Variants in PLPPR5 observed in about 807,000 individuals in gnomAD.
The protein encoded by PLPPR5 is phospholipid phosphatase related 5, also known as phospholipid phosphatase-related protein type 5.
PLPPR5 carries 16 observed loss-of-function variants against 33.9 expected under a neutral mutation model. The ratio of observed to expected loss-of-function variants is 0.47; its 90% CI spans 0.32 to 0.72. The LOEUF is 0.72. Among genes scored for constraint, PLPPR5 ranks in the 30% least tolerant of loss-of-function variants. PLPPR5 has a pLI of 0.03. For synonymous variants in PLPPR5, 163 were observed against 150.3 expected, an observed-to-expected ratio of 1.08 and a Z score of -0.62; for missense variants, 301 against 406.7, an observed-to-expected ratio of 0.74 and a Z score of 2.23.
chr1:98,911,608 C>T (rs902995324), intron 5 of PLPPR5, among the ~76,000 whole-genome samples: 1 of 152,114 alleles, frequency 6.6e-6, no homozygotes, highest in Non-Finnish European at 1.5e-5. Context: ...CCAAAAAACA[C>T]TCATGCAAAT....
intron 5 of PLPPR5, among the ~76,000 whole-genome samples, chr1:98,902,356 G>A (rs1248598587): frequency 1.2e-4 from 2 of 16,420 alleles, no homozygotes; most frequent in Non-Finnish European, 1.2e-4. Context: ...GGGTCTTGAA[G>A]GTTATTTTAA....
At chr1:98,964,117 TCC>T (rs1372801003) in intron 1 of PLPPR5, among the ~76,000 whole-genome samples, 1 of 152,184 alleles carries the variant, frequency 6.6e-6, no homozygotes. Flanking sequence ...TGGTTTGCTT[TCC>T]CCGCTGGGAG....
chr1:98,927,739 G>A (rs376135452), intron 3 of PLPPR5, among the ~76,000 whole-genome samples: 1 of 152,100 alleles, frequency 6.6e-6, no homozygotes, highest in East Asian at 1.9e-4. Flanking sequence ...GGTTTCTGAC[G>A]TAAGGGTGCT....
intron 1 of PLPPR5, among the ~76,000 whole-genome samples, chr1:99,004,123 G>A (rs1211402280): frequency 1.3e-5 from 2 of 152,240 alleles, no homozygotes; most frequent in East Asian, 1.9e-4. Flanking sequence ...CACCCCCAAA[G>A]CTCACCTCCT....
At chr1:98,905,611 A>C (rs1048802358) in intron 5 of PLPPR5, among the ~76,000 whole-genome samples, 1 of 152,028 alleles carries the variant, frequency 6.6e-6, no homozygotes, top group African/African-American at 2.4e-5. Context: ...CATCTTAGAT[A>C]ATTTTCTTTT....
At chr1:99,004,028 C>T (rs1652967023) in intron 1 of PLPPR5, among the ~76,000 whole-genome samples, 1 of 152,204 alleles carries the variant, frequency 6.6e-6, no homozygotes. Context: ...CCTCGCCGGC[C>T]CGCCCGCCGC....
intron 3 of PLPPR5, among the ~76,000 whole-genome samples, chr1:98,928,500 T>C (rs1649844400): frequency 7.0e-6 from 1 of 142,008 alleles, no homozygotes; most frequent in Non-Finnish European, 1.5e-5. Context: ...ATATTAAATA[T>C]TAATATCACC....
chr1:98,984,313 T>C (rs72732414), intron 1 of PLPPR5, among the ~76,000 whole-genome samples: 1 of 152,038 alleles, frequency 6.6e-6, no homozygotes, highest in African/African-American at 2.4e-5. Flanking sequence ...ATATTTGTTC[T>C]AAGGGAACCA....
intron 5 of PLPPR5, among the ~76,000 whole-genome samples, chr1:98,910,033 A>G (rs1275755837): frequency 2.0e-5 from 3 of 152,232 alleles, no homozygotes; most frequent in African/African-American, 7.2e-5. Flanking sequence ...AATAACGAAT[A>G]CTTGTATGCT....
At chr1:98,945,272 C>T (rs1397130837) in intron 3 of PLPPR5, among the ~76,000 whole-genome samples, 1 of 152,202 alleles carries the variant, frequency 6.6e-6, no homozygotes, top group Non-Finnish European at 1.5e-5. Flanking sequence ...TCAAGACTAT[C>T]TATATGGCTT....
chr1:98,896,502 C>T (rs1317107174), intron 5 of PLPPR5, among the ~76,000 whole-genome samples: 3 of 152,050 alleles, frequency 2.0e-5, no homozygotes, highest in African/African-American at 7.2e-5. Flanking sequence ...TGTCACAATT[C>T]CTGGTACCTT....
chr1:98,999,174 G>A (rs1420505130), intron 1 of PLPPR5, among the ~76,000 whole-genome samples: 1 of 152,172 alleles, frequency 6.6e-6, no homozygotes, highest in South Asian at 2.1e-4. Flanking sequence ...AACAAAAGTA[G>A]TTTGCTAGGT....
At chr1:98,959,976 T>C (rs1651169544) in intron 1 of PLPPR5, among the ~76,000 whole-genome samples, 2 of 152,090 alleles carry the variant, frequency 1.3e-5, no homozygotes, top group Non-Finnish European at 2.9e-5. Context: ...GTTCTCTGGA[T>C]ACTGTATTCT....
rs1652730092 is a variant in PLPPR5 at position 98,998,967 on chromosome 1, T to G, written c.237+5468A>C. 3.3e-5 allele frequency among the ~76,000 whole-genome samples: 5 copies of G among 152,248 alleles called. No homozygotes were observed. In the East Asian group the frequency reaches 9.7e-4, roughly 29 times the overall value. On this transcript the variant is annotated intron_variant, in intron 1 of 5. Transcript: ENST00000263177. ...GGTGTATAAGAAATGCATGACCAAT[T>G]TTAGCTAATGTTAGCCCACTTGGAC...
intron 4 of PLPPR5, among the ~76,000 whole-genome samples, chr1:98,920,592 C>CAAAAAAAAAAAA (rs1557669386): frequency 3.7e-4 from 5 of 13,670 alleles, no homozygotes; most frequent in Non-Finnish European, 6.6e-4. Context: ...AGTGGTATCA[C>CAAAAAAAAAAAA]CAAAAAAAAA....
At chr1:98,899,465 CTTCT>C (rs1468756582) in intron 5 of PLPPR5, among the ~76,000 whole-genome samples, 1 of 152,124 alleles carries the variant, frequency 6.6e-6, no homozygotes, top group Non-Finnish European at 1.5e-5. Flanking sequence ...AAATCAATTC[CTTCT>C]TTAAGATGCT....
rs1306872537 is a variant in PLPPR5, at chr1:99,004,467, A to G, written c.205T>C (p.Tyr69His). ...ACGGGGACCCCGGCGGCCAGCGAGT[A>G]GAGGAGCACGGGGGGCACGGCGCTG... ...DSSAVPPVLLYSLAAGVPVLV... is the reference protein window; with the variant it reads ...DSSAVPPVLLHSLAAGVPVLV... The change falls in exon 1 of 6, where the codon TAC becomes CAC. Residue 69 changes from tyrosine (Y) to histidine (H), a missense_variant. Tyr to His is a moderately conservative substitution (Grantham distance 83). Coordinates refer to ENST00000263177, the MANE Select transcript of PLPPR5 (RefSeq NM_001037317.2). 8 of 1,611,388 alleles carry G rather than the reference A, an allele frequency of 5.0e-6. No homozygotes were observed. Among genetic ancestry groups the G allele is most frequent in the Non-Finnish European group, 5.1e-6 (6 of 1,179,024 alleles).
intron 3 of PLPPR5, among the ~76,000 whole-genome samples, chr1:98,922,610 C>T (rs911419496): frequency 2.6e-5 from 4 of 152,148 alleles, no homozygotes; most frequent in East Asian, 1.9e-4. Flanking sequence ...AATGCAATGC[C>T]GAGGTTGCTT....
At chr1:98,990,985 T>C (rs1652430607) in intron 1 of PLPPR5, 1 of 152,206 alleles carries the variant, frequency 6.6e-6, no homozygotes, top group South Asian at 2.1e-4. Flanking sequence ...ACAAATATGC[T>C]AGTCTATAGG....
Sources: gnomAD v4.1 joint callset for allele counts (sites outside exome capture counted in the v4.1 genomes callset) on GRCh38, gnomAD v4.1.1 for gene constraint, MANE v1.5 for transcripts, NCBI Gene and HGNC (gene_info 2026-07-23, HGNC 2026-07-21) for gene names.